MACROD2: variants seen among roughly 807,000 people sequenced by gnomAD.
MACROD2 encodes ADP-ribose glycohydrolase MACROD2.
Under a neutral mutation model 70.4 loss-of-function variants are expected in MACROD2, and 36 were observed. The ratio of observed to expected loss-of-function variants is 0.51; its 90% confidence interval spans 0.39 to 0.68. The LOEUF (loss-of-function observed/expected upper bound fraction) is 0.68, where lower values mean the gene tolerates loss of function less well. Ranked by LOEUF, MACROD2 falls within the 30% of genes least tolerant of loss-of-function variation. MACROD2 has a pLI of 0.00. For synonymous variants in MACROD2, 172 were observed against 178.8 expected (o/e 0.96, Z 0.30); for missense variants, 496 against 538.4 (o/e 0.92, Z 0.78).
At chr20:14,963,597 G>A (rs1294253020) in intron 5 of MACROD2, among the ~76,000 whole-genome samples, 3 of 152,144 alleles carry the variant, frequency 2.0e-5, no homozygotes, top group Non-Finnish European at 1.5e-5. Flanking sequence ...CCTGCCGGTG[G>A]TGGGTTTTGA....
At chr20:15,703,837 C>T (rs2050494788) in intron 8 of MACROD2, among the ~76,000 whole-genome samples, 2 of 152,206 alleles carry the variant, frequency 1.3e-5, no homozygotes, top group Non-Finnish European at 1.5e-5. Flanking sequence ...ACGGAGGCTA[C>T]TCCTCACAGA....
rs201252585 is a variant in MACROD2, at chr20:15,694,566, G to GT, written c.646-168170dup. On this transcript the variant is annotated intron_variant, in intron 8 of 17. Coordinates refer to ENST00000684519, the MANE Select transcript of MACROD2 (RefSeq NM_001351661.2). ...TAGCCCACTTTTGGATGTGATGTTT[G>GT]TTTTTTTTTCTTATTGATCTGTTTG... Among the ~76,000 whole-genome samples the GT allele has an allele frequency of 2.6e-3, 384 of 150,486 alleles. 1 individual carries two copies. Among genetic ancestry groups the GT allele is most frequent in the African/African-American group, 8.7e-3 (358 of 41,054 alleles).
intron 5 of MACROD2, among the ~76,000 whole-genome samples, chr20:15,121,468 G>T (rs551892329): frequency 1.4e-5 from 2 of 143,510 alleles, no homozygotes; most frequent in Non-Finnish European, 3.0e-5. Flanking sequence ...AGCCGAGATC[G>T]AGCCATTGCA....
chr20:14,486,014 C>A (rs1032819457), intron 3 of MACROD2, among the ~76,000 whole-genome samples: 11 of 152,018 alleles, frequency 7.2e-5, no homozygotes, highest in Non-Finnish European at 1.6e-4. Context: ...CATCAGTGAC[C>A]AGTCTGTTTA....
chr20:15,582,155 G>A (rs2048534295), intron 8 of MACROD2, among the ~76,000 whole-genome samples: 1 of 151,852 alleles, frequency 6.6e-6, no homozygotes, highest in Non-Finnish European at 1.5e-5. Context: ...CTGCCAGGGT[G>A]GAGAAGGGAG....
intron 4 of MACROD2, among the ~76,000 whole-genome samples, chr20:14,666,315 T>C (rs1428947379): frequency 6.6e-6 from 1 of 152,194 alleles, no homozygotes; most frequent in Non-Finnish European, 1.5e-5. Flanking sequence ...AATACTCTTG[T>C]ATACAAATAA....
At chr20:15,191,845 C>G (rs752121777) in intron 5 of MACROD2, among the ~76,000 whole-genome samples, 2 of 151,582 alleles carry the variant, frequency 1.3e-5, no homozygotes, top group Non-Finnish European at 2.9e-5. Flanking sequence ...GAAATTTTGC[C>G]TGATTCATGA....
chr20:15,511,570 A>C (rs967979798), intron 8 of MACROD2, among the ~76,000 whole-genome samples: 1 of 152,176 alleles, frequency 6.6e-6, no homozygotes, highest in African/African-American at 2.4e-5. Context: ...TTTAAAGAAA[A>C]ATTTTGCTCA....
chr20:14,264,491 G>C (rs987050615), intron 3 of MACROD2, among the ~76,000 whole-genome samples: 2 of 152,064 alleles, frequency 1.3e-5, no homozygotes, highest in African/African-American at 2.4e-5. Flanking sequence ...CATTTTTTAG[G>C]GTAAAAAGGA....
At chr20:14,821,808 C>A (rs972837603) in intron 5 of MACROD2, among the ~76,000 whole-genome samples, 1 of 151,934 alleles carries the variant, frequency 6.6e-6, no homozygotes, top group Non-Finnish European at 1.5e-5. Context: ...TGTCCAAGAC[C>A]CACTCTGGCA....
intron 8 of MACROD2, among the ~76,000 whole-genome samples, chr20:15,805,251 T>G (rs1360478698): frequency 6.6e-6 from 1 of 152,114 alleles, no homozygotes; most frequent in Non-Finnish European, 1.5e-5. Flanking sequence ...GAATGGGCAA[T>G]GATGTAGAAC....
intron 5 of MACROD2, among the ~76,000 whole-genome samples, chr20:14,855,860 G>A (rs754092829): frequency 2.6e-5 from 4 of 151,932 alleles, no homozygotes; most frequent in Non-Finnish European, 4.4e-5. Flanking sequence ...AAAATAACAA[G>A]TAATCTCAAC....
At chr20:14,639,073 C>G (rs1313583043) in intron 4 of MACROD2, among the ~76,000 whole-genome samples, 2 of 152,032 alleles carry the variant, frequency 1.3e-5, no homozygotes, top group East Asian at 3.9e-4. Context: ...TCCAGCCTCA[C>G]ATTTTGGTAC....
At chr20:15,999,146 G>A (rs951850715) in intron 15 of MACROD2, among the ~76,000 whole-genome samples, 31 of 151,736 alleles carry the variant, frequency 2.0e-4, no homozygotes, top group Admixed American at 4.6e-4. Context: ...TTTCTTTTTA[G>A]AACTGCTTTT....
chr20:14,604,334 T>A (rs1228458502), intron 4 of MACROD2, among the ~76,000 whole-genome samples: 1 of 152,242 alleles, frequency 6.6e-6, no homozygotes, highest in Non-Finnish European at 1.5e-5. Flanking sequence ...TGCTATGGTA[T>A]ATTTATCTTG....
At chr20:14,975,976 A>G (rs1326351629) in intron 5 of MACROD2, among the ~76,000 whole-genome samples, 3 of 152,130 alleles carry the variant, frequency 2.0e-5, no homozygotes, top group Non-Finnish European at 4.4e-5. Context: ...TCAGGAAGGT[A>G]GGCGTTAACA....
intron 6 of MACROD2, among the ~76,000 whole-genome samples, chr20:15,386,831 A>G (rs1364769527): frequency 6.6e-6 from 1 of 152,220 alleles, no homozygotes; most frequent in Non-Finnish European, 1.5e-5. Context: ...TGAACAAAAT[A>G]GTTTGAAAAG....
intron 15 of MACROD2, among the ~76,000 whole-genome samples, chr20:16,001,865 A>G (rs1382414593): frequency 6.6e-6 from 1 of 152,080 alleles, no homozygotes; most frequent in African/African-American, 2.4e-5. Context: ...GTAAGGGAGT[A>G]CTTTTCAAAA....
intron 8 of MACROD2, among the ~76,000 whole-genome samples, chr20:15,819,325 A>C (rs1472947914): frequency 7.0e-6 from 1 of 142,834 alleles, no homozygotes; most frequent in Non-Finnish European, 1.5e-5. Flanking sequence ...TTATATATAA[A>C]TATAAATATA....
Sources: gnomAD v4.1 joint callset for allele counts (sites outside exome capture counted in the v4.1 genomes callset) on GRCh38, gnomAD v4.1.1 for gene constraint, MANE v1.5 for transcripts, NCBI Gene and HGNC (gene_info 2026-07-23, HGNC 2026-07-21) for gene names.